Variants in CNTNAP2 observed in about 807,000 individuals in gnomAD.
The protein encoded by CNTNAP2 is contactin-associated protein-like 2.
Under a neutral mutation model 155.2 loss-of-function variants are expected in CNTNAP2, and 98 were observed. That is an observed-to-expected ratio of 0.63 (90% CI 0.54 to 0.75). The LOEUF is 0.75. Among genes scored for constraint, CNTNAP2 ranks in the 30% least tolerant of loss-of-function variants. The probability of loss-of-function intolerance (pLI) is 0.00; values close to 1 mark genes in which losing one functional copy is unlikely to be tolerated. For missense variants in CNTNAP2, 1,727 were observed against 1,688.1 expected (o/e 1.02, Z -0.40); for synonymous variants, 651 against 631.2 (o/e 1.03, Z -0.47).
At chr7:146,839,517 G>T (rs1803678398) in intron 2 of CNTNAP2, among the ~76,000 whole-genome samples, 194 bp from the exon 3 acceptor site, 1 of 152,102 alleles carries the variant, frequency 6.6e-6, no homozygotes, top group Non-Finnish European at 1.5e-5. Flanking sequence ...CCATAAAGAG[G>T]TTAAAGAATC....
At chr7:146,362,766 CTTTTTTTTT>C (rs773124124) in intron 1 of CNTNAP2, among the ~76,000 whole-genome samples, 1 of 96,450 alleles carries the variant, frequency 1.0e-5, no homozygotes, top group African/African-American at 4.5e-5. Flanking sequence ...TCACACAGCA[CTTTTTTTTT>C]TTTTTTTTTT....
intron 11 of CNTNAP2, among the ~76,000 whole-genome samples, chr7:147,532,644 A>C (rs951931861): frequency 6.6e-6 from 1 of 152,220 alleles, no homozygotes; most frequent in Non-Finnish European, 1.5e-5. Flanking sequence ...CATACCTGAC[A>C]CTGGGAAGAA....
chr7:146,458,883 T>C (rs539634083), intron 1 of CNTNAP2, among the ~76,000 whole-genome samples: 49 of 152,320 alleles, frequency 3.2e-4, no homozygotes, highest in Admixed American at 1.2e-3. Flanking sequence ...CCCTCGATGA[T>C]TGGCTGAGCT....
chr7:147,278,127 CA>C (rs58102021), intron 8 of CNTNAP2, among the ~76,000 whole-genome samples: 48,950 of 138,220 alleles, frequency 0.35, 8,362 homozygotes, highest in East Asian at 0.42. Flanking sequence ...GGAAACCATG[CA>C]AAAAAAAAAA....
chr7:147,213,983 C>T (rs1803211942), intron 8 of CNTNAP2, among the ~76,000 whole-genome samples: 1 of 152,096 alleles, frequency 6.6e-6, no homozygotes, highest in African/African-American at 2.4e-5. Context: ...GAATGGTGCC[C>T]AGACACACTG....
chr7:147,514,496 T>C (rs1200621463), intron 11 of CNTNAP2, among the ~76,000 whole-genome samples: 2 of 151,988 alleles, frequency 1.3e-5, no homozygotes, highest in African/African-American at 4.8e-5. Flanking sequence ...GCCTGAAAAC[T>C]ATTCTAATGA....
intron 12 of CNTNAP2, among the ~76,000 whole-genome samples, chr7:147,605,453 T>C (rs1355957433): frequency 6.6e-6 from 1 of 152,096 alleles, no homozygotes; most frequent in Non-Finnish European, 1.5e-5. Context: ...ACAAATTATG[T>C]GAGGTGAGGA....
At chr7:146,664,420 C>CA (rs997264895) in intron 1 of CNTNAP2, among the ~76,000 whole-genome samples, 4 of 152,094 alleles carry the variant, frequency 2.6e-5, no homozygotes, top group Admixed American at 1.3e-4. Flanking sequence ...CTCAGCCTCC[C>CA]AAAGTGCTGG....
At chr7:148,364,005 C>T (rs1348555974) in intron 21 of CNTNAP2, among the ~76,000 whole-genome samples, 4 of 152,196 alleles carry the variant, frequency 2.6e-5, no homozygotes, top group African/African-American at 9.7e-5. Context: ...GGCCCACCGG[C>T]GCTGCGCTCG....
intron 16 of CNTNAP2, among the ~76,000 whole-genome samples, chr7:148,128,422 T>C (rs1458371634): frequency 6.6e-6 from 1 of 152,196 alleles, no homozygotes; most frequent in Non-Finnish European, 1.5e-5. Flanking sequence ...TTCTCTAACT[T>C]CTCGATTTAA....
At chr7:146,907,054 G>A (rs371037075) in intron 3 of CNTNAP2, among the ~76,000 whole-genome samples, 4,606 of 150,584 alleles carry the variant, frequency 0.031, 204 homozygotes, top group African/African-American at 0.1. Context: ...GGGTATCAGC[G>A]ATGGAAGATG....
chr7:146,816,355 T>C (rs1585104201), intron 2 of CNTNAP2, among the ~76,000 whole-genome samples: 1 of 152,164 alleles, frequency 6.6e-6, no homozygotes, highest in African/African-American at 2.4e-5. Context: ...AGGGTCCAGA[T>C]TGGAAGAGGA....
chr7:147,631,449 T>G (rs564934246), intron 12 of CNTNAP2, among the ~76,000 whole-genome samples: 2 of 152,138 alleles, frequency 1.3e-5, no homozygotes, highest in Middle Eastern at 3.4e-3. Context: ...CAAAGTACCA[T>G]CAATATTCTT....
chr7:147,173,052 A>C (rs949870455), intron 8 of CNTNAP2, among the ~76,000 whole-genome samples: 1 of 152,194 alleles, frequency 6.6e-6, no homozygotes, highest in African/African-American at 2.4e-5. Flanking sequence ...ACTTTATGGC[A>C]ACCAAGATAC....
At chr7:146,468,467 G>A (rs1796747704) in intron 1 of CNTNAP2, among the ~76,000 whole-genome samples, 1 of 151,840 alleles carries the variant, frequency 6.6e-6, no homozygotes, top group Non-Finnish European at 1.5e-5. Context: ...AGAAGACAAT[G>A]ATCTGGGTAA....
chr7:147,407,038 C>T (rs1225538007), intron 10 of CNTNAP2, among the ~76,000 whole-genome samples: 4 of 152,184 alleles, frequency 2.6e-5, no homozygotes, highest in Admixed American at 2.6e-4. Flanking sequence ...AACTTATCTT[C>T]ATGAACACAC....
At chr7:147,642,390 C>G (rs1359859259) in intron 13 of CNTNAP2, among the ~76,000 whole-genome samples, 1 of 152,040 alleles carries the variant, frequency 6.6e-6, no homozygotes, top group Non-Finnish European at 1.5e-5. Flanking sequence ...GGTTGAGGTA[C>G]CAGGAGAATT....
At chr7:146,242,589 T>C (rs1054690171) in intron 1 of CNTNAP2, among the ~76,000 whole-genome samples, 1 of 150,904 alleles carries the variant, frequency 6.6e-6, no homozygotes, top group African/African-American at 2.4e-5. Flanking sequence ...CCTAAAAACA[T>C]GGATACCCAA....
intron 8 of CNTNAP2, among the ~76,000 whole-genome samples, chr7:147,187,334 T>C (rs1908765): frequency 0.53 from 81,156 of 151,860 alleles, 22,242 homozygotes; most frequent in South Asian, 0.71. Context: ...GACTCATTAA[T>C]CAATGCAGGG....
Sources: allele counts gnomAD v4.1 joint callset (sites outside exome capture counted in the v4.1 genomes callset), GRCh38; gene constraint gnomAD v4.1.1; transcripts MANE v1.5; gene names NCBI Gene and HGNC (gene_info 2026-07-23, HGNC 2026-07-21).